The following CTNNA3 variants were observed in gnomAD, a reference collection of about 807,000 sequenced individuals.
CTNNA3 encodes catenin alpha-3.
Under a neutral mutation model 95.7 loss-of-function variants are expected in CTNNA3, and 76 were observed. The ratio of observed to expected loss-of-function variants is 0.79; its 90% CI spans 0.66 to 0.96. CTNNA3 has a LOEUF of 0.96. CTNNA3 is among the 40% of genes least tolerant of loss of function. The pLI, the probability that CTNNA3 is intolerant of heterozygous loss-of-function variation, is 0.00. For missense variants in CTNNA3, 1,191 were observed against 1,089.8 expected (o/e 1.09, Z -1.31); for synonymous variants, 431 against 374.4 (o/e 1.15, Z -1.74).
chr10:65,966,741 T>G lies in CTNNA3; in HGVS notation c.2271A>C (p.Pro757=). Residue 757 remains proline, a synonymous_variant, in exon 17 of 18, where the codon CCA becomes CCC. Coordinates refer to ENST00000433211, the MANE Select transcript of CTNNA3 (RefSeq NM_013266.4). The part of the protein sequence containing the change: ...VLARQIANQC[P]DPSCKQDLLA... ...ACAAGTCCTGTTTACAAGATGGATC[T>G]GGGCACTAAATATGAATCAAAGATA... The G allele has an allele frequency of 6.2e-7, 1 of 1,608,492 alleles. No individual in the cohort carries two copies.
At chr10:66,286,988 C>A (rs1338212435) in intron 12 of CTNNA3, among the ~76,000 whole-genome samples, 1 of 151,760 alleles carries the variant, frequency 6.6e-6, no homozygotes, top group Non-Finnish European at 1.5e-5. Flanking sequence ...TAACTTAATA[C>A]CTTCATGTAA....
intron 3 of CTNNA3, among the ~76,000 whole-genome samples, chr10:67,574,046 T>C (rs1369152756): frequency 1.3e-5 from 2 of 152,184 alleles, no homozygotes; most frequent in Non-Finnish European, 2.9e-5. Flanking sequence ...TTCAGATCTA[T>C]AAAAATTTTA....
Position 66,204,008 on chromosome 10 carries a change from G to A in CTNNA3, c.1884+76462C>T, listed in dbSNP as rs575895075. Among the ~76,000 whole-genome samples, 3 of 152,038 alleles carry A rather than the reference G, an allele frequency of 2.0e-5. No individual in the cohort carries two copies. In the East Asian group the frequency reaches 5.8e-4, roughly 29 times the overall value. On this transcript the variant is annotated intron_variant, in intron 13 of 17. Transcript: ENST00000433211. ...AATTCTAGGCCCAAATTTGGAGGTAGGACTATGATCAATTTTACAGACACA... is the reference window on the plus strand; with the variant it reads ...AATTCTAGGCCCAAATTTGGAGGTAAGACTATGATCAATTTTACAGACACA...
At position 66,989,008 on chromosome 10, in the gene CTNNA3, A is replaced by G. The variant is rs932635606; in HGVS notation, c.1047+191309T>C. Among the ~76,000 whole-genome samples the G allele has an allele frequency of 2.6e-5, 4 of 152,016 alleles. No homozygotes were observed. The South Asian group carries it at 8.3e-4, about 32-fold the overall frequency. On this transcript the variant is annotated intron_variant, in intron 7 of 17. Coordinates refer to ENST00000433211, the MANE Select transcript of CTNNA3 (RefSeq NM_013266.4). ...GATGTTTCCTCTCACTTAAAAAAAAAAAATCCCTTTTCTACCTCTCTTTTA... is the reference window on the plus strand; with the variant it reads ...GATGTTTCCTCTCACTTAAAAAAAAGAAATCCCTTTTCTACCTCTCTTTTA...
chr10:66,309,930 T>C (rs2091991740), intron 12 of CTNNA3, among the ~76,000 whole-genome samples: 1 of 143,746 alleles, frequency 7.0e-6, no homozygotes, highest in Admixed American at 6.9e-5. Context: ...AATAAATAAA[T>C]AAATAAATAA....
intron 12 of CTNNA3, among the ~76,000 whole-genome samples, chr10:66,293,317 G>A (rs1369854369): frequency 6.6e-6 from 1 of 151,944 alleles, no homozygotes; most frequent in East Asian, 1.9e-4. Context: ...CCTACTAACT[G>A]TAGAATACAA....
intron 7 of CTNNA3, among the ~76,000 whole-genome samples, chr10:66,986,704 A>G (rs980234889): frequency 2.0e-5 from 3 of 152,170 alleles, no homozygotes; most frequent in Non-Finnish European, 4.4e-5. Context: ...CTCCATGGCT[A>G]TCAGGCTAAT....
chr10:66,278,427 G>T (rs893994807), intron 13 of CTNNA3, among the ~76,000 whole-genome samples: 1 of 151,800 alleles, frequency 6.6e-6, no homozygotes, highest in East Asian at 1.9e-4. Flanking sequence ...TTTTTCTTAT[G>T]AGAAAAAGTT....
At chr10:66,146,228 C>T (rs1265045347) in intron 13 of CTNNA3, among the ~76,000 whole-genome samples, 4 of 152,132 alleles carry the variant, frequency 2.6e-5, no homozygotes. Context: ...AATACTGGCC[C>T]TTCCAGGTCA....
At chr10:67,620,938 TATATATATATATAC>T (rs1299111610) in intron 2 of CTNNA3, among the ~76,000 whole-genome samples, 3 of 147,124 alleles carry the variant, frequency 2.0e-5, no homozygotes, top group Non-Finnish European at 4.5e-5. Context: ...TATATATATA[TATATATATATATAC>T]AGAAATGTGG....
chr10:67,543,752 A>G (rs961696362), intron 3 of CTNNA3, among the ~76,000 whole-genome samples: 2 of 152,220 alleles, frequency 1.3e-5, no homozygotes, highest in South Asian at 4.1e-4. Context: ...AATATATAAT[A>G]GGGTTCACAG....
At chr10:66,795,590 T>TTA (rs1488186942) in intron 7 of CTNNA3, among the ~76,000 whole-genome samples, 3 of 152,280 alleles carry the variant, frequency 2.0e-5, no homozygotes, top group African/African-American at 7.2e-5. Flanking sequence ...TGGTTTCAAC[T>TTA]TAAAGTCACC....
intron 5 of CTNNA3, among the ~76,000 whole-genome samples, chr10:67,279,618 G>A (rs1839317133): frequency 7.2e-6 from 1 of 139,628 alleles, no homozygotes; most frequent in Non-Finnish European, 1.6e-5. Flanking sequence ...GTAGCTACGG[G>A]GAGATATTTA....
intron 5 of CTNNA3, among the ~76,000 whole-genome samples, chr10:67,505,509 T>C (rs1406204021): frequency 6.6e-6 from 1 of 152,140 alleles, no homozygotes; most frequent in Non-Finnish European, 1.5e-5. Context: ...CTTAGAACAA[T>C]AGAGATAAAT....
intron 12 of CTNNA3, among the ~76,000 whole-genome samples, chr10:66,335,846 G>A (rs559690047): frequency 6.6e-6 from 1 of 152,250 alleles, no homozygotes; most frequent in African/African-American, 2.4e-5. Flanking sequence ...TACAGAGGCA[G>A]GCAGGTCTCC....
At chr10:66,543,809 G>C (rs905498536) in intron 10 of CTNNA3, among the ~76,000 whole-genome samples, 2 of 150,056 alleles carry the variant, frequency 1.3e-5, no homozygotes, top group African/African-American at 2.4e-5. Flanking sequence ...ATTTTTTAAA[G>C]TTTCTTCTCC....
intron 13 of CTNNA3, among the ~76,000 whole-genome samples, chr10:66,258,523 T>C (rs776955986): frequency 6.6e-6 from 1 of 152,180 alleles, no homozygotes; most frequent in Non-Finnish European, 1.5e-5. Flanking sequence ...TGAAGCATGC[T>C]CTAAACACTT....
At chr10:66,566,118 T>G (rs977469675) in intron 10 of CTNNA3, among the ~76,000 whole-genome samples, 4 of 152,200 alleles carry the variant, frequency 2.6e-5, no homozygotes, top group African/African-American at 9.6e-5. Flanking sequence ...TTTTTAAAAG[T>G]TAGCTTTGGC....
chr10:66,023,885 A>T (rs746042068), intron 15 of CTNNA3, among the ~76,000 whole-genome samples: 61 of 152,194 alleles, frequency 4.0e-4, no homozygotes, highest in Non-Finnish European at 6.9e-4. Flanking sequence ...AAGCTTTTAT[A>T]TAACGGAGAA....
Sources: allele counts gnomAD v4.1 joint callset (sites outside exome capture counted in the v4.1 genomes callset), GRCh38; gene constraint gnomAD v4.1.1; transcripts MANE v1.5; gene names NCBI Gene and HGNC (gene_info 2026-07-23, HGNC 2026-07-21).